The following ZNF521 variants were observed in gnomAD, a reference collection of about 807,000 sequenced individuals.
The protein encoded by ZNF521 is zinc finger protein 521.
ZNF521 carries 14 observed loss-of-function variants against 105.5 expected under a neutral mutation model. The ratio of observed to expected loss-of-function variants is 0.13; its 90% CI spans 0.09 to 0.21. ZNF521 has a LOEUF of 0.21. Among genes scored for constraint, ZNF521 ranks in the 10% least tolerant of loss-of-function variants. The pLI, the probability that ZNF521 is intolerant of heterozygous loss-of-function variation, is 1.00. For synonymous variants in ZNF521, 635 were observed against 606.0 expected (o/e 1.05, Z -0.70); for missense variants, 1,233 against 1,629.7 (o/e 0.76, Z 4.19).
chr18:25,138,992 A>G (rs993302429), intron 5 of ZNF521, among the ~76,000 whole-genome samples: 4 of 152,214 alleles, frequency 2.6e-5, no homozygotes, highest in African/African-American at 9.6e-5. Flanking sequence ...TGCAGAAGAA[A>G]GGCAAACTCT....
At chr18:25,170,340 G>A (rs1188209980) in intron 5 of ZNF521, among the ~76,000 whole-genome samples, 1 of 151,972 alleles carries the variant, frequency 6.6e-6, no homozygotes, top group Non-Finnish European at 1.5e-5. Context: ...ATTCTGATTG[G>A]TGGAAAATCA....
chr18:25,183,659 T>A (rs2035671219), intron 5 of ZNF521, among the ~76,000 whole-genome samples: 1 of 152,178 alleles, frequency 6.6e-6, no homozygotes, highest in Non-Finnish European at 1.5e-5. Context: ...ACTATCGGCA[T>A]ATTAAATAGT....
Position 25,267,307 on chromosome 18 carries a change from C to G in ZNF521, c.221-39610G>C, listed in dbSNP as rs551243977. ...GACTTATAGATAAAACCCCCATCTC[C>G]CTGGGAGAGAGCACTTGGGGGAAGG... On this transcript the variant is annotated intron_variant, in intron 3 of 7. Coordinates refer to ENST00000361524, the MANE Select transcript of ZNF521 (RefSeq NM_015461.3). Among the ~76,000 whole-genome samples, 4 of 152,320 alleles carry G rather than the reference C, an allele frequency of 2.6e-5. No homozygotes were observed. In the South Asian group the frequency reaches 8.3e-4, roughly 32 times the overall value.
At chr18:25,271,805 A>T (rs1909678822) in intron 3 of ZNF521, among the ~76,000 whole-genome samples, 4 of 152,310 alleles carry the variant, frequency 2.6e-5, no homozygotes, top group Admixed American at 2.6e-4. Context: ...AAAACCATAA[A>T]AACCATAGAA....
At chr18:25,301,008 C>T (rs1911613502) in intron 3 of ZNF521, among the ~76,000 whole-genome samples, 1 of 152,164 alleles carries the variant, frequency 6.6e-6, no homozygotes, top group Non-Finnish European at 1.5e-5. Context: ...GAAAGACTGT[C>T]TATAAACTTG....
At chr18:25,163,125 A>G (rs2035278715) in intron 5 of ZNF521, among the ~76,000 whole-genome samples, 2 of 152,214 alleles carry the variant, frequency 1.3e-5, no homozygotes, top group Admixed American at 1.3e-4. Context: ...TTTCTAATCA[A>G]TGAACCAAGG....
At chr18:25,146,225 C>G (rs768770945) in intron 5 of ZNF521, among the ~76,000 whole-genome samples, 5 of 152,242 alleles carry the variant, frequency 3.3e-5, no homozygotes, top group Non-Finnish European at 5.9e-5. Flanking sequence ...GCTTACTAAC[C>G]CTCCTAAGTG....
intron 3 of ZNF521, among the ~76,000 whole-genome samples, chr18:25,279,309 A>G (rs78169657): frequency 0.025 from 3,786 of 152,342 alleles, 92 homozygotes; most frequent in East Asian, 0.083. Flanking sequence ...GCATTTCAAC[A>G]TATGTTAGTA....
At chr18:25,198,171 T>A (rs1296356651) in intron 4 of ZNF521, among the ~76,000 whole-genome samples, 1 of 151,786 alleles carries the variant, frequency 6.6e-6, no homozygotes, top group Non-Finnish European at 1.5e-5. Context: ...GGGAGTGGGA[T>A]TGTCATTTCC....
chr18:25,158,472 A>G (rs2144513088), intron 5 of ZNF521, among the ~76,000 whole-genome samples: 1 of 152,268 alleles, frequency 6.6e-6, no homozygotes, highest in South Asian at 2.1e-4. Context: ...GATTATTCAA[A>G]GGAAATACAG....
At chr18:25,237,971 GA>G (rs1258585193) in intron 3 of ZNF521, among the ~76,000 whole-genome samples, 1 of 152,048 alleles carries the variant, frequency 6.6e-6, no homozygotes, top group African/African-American at 2.4e-5. Context: ...GCCTTTAGGG[GA>G]AAAAAAGTGC....
At chr18:25,233,165 C>A (rs1230020046) in intron 3 of ZNF521, among the ~76,000 whole-genome samples, 1 of 152,140 alleles carries the variant, frequency 6.6e-6, no homozygotes, top group Admixed American at 6.5e-5. Flanking sequence ...TATTTAAAAT[C>A]TTCTAACCAA....
intron 3 of ZNF521, among the ~76,000 whole-genome samples, chr18:25,293,370 A>ACG (rs1911148534): frequency 6.6e-6 from 1 of 151,748 alleles, no homozygotes; most frequent in Non-Finnish European, 1.5e-5. Context: ...ACACACACAC[A>ACG]CACACACACA....
At chr18:25,351,103 C>T (rs1385012161) in intron 1 of ZNF521, 156 bp from the exon 2 acceptor site, 2 of 284,092 alleles carry the variant, frequency 7.0e-6, no homozygotes, top group Non-Finnish European at 1.1e-5. Context: ...GGCTCCGGCT[C>T]GCGCTCGCGC....
intron 5 of ZNF521, among the ~76,000 whole-genome samples, chr18:25,163,904 C>G (rs1404849604): frequency 6.6e-6 from 1 of 152,090 alleles, no homozygotes; most frequent in Non-Finnish European, 1.5e-5. Flanking sequence ...GAAAAGCTGT[C>G]CTTTCACTAT....
intron 2 of ZNF521, among the ~76,000 whole-genome samples, chr18:25,324,347 C>G (rs1913091489): frequency 6.6e-6 from 1 of 151,106 alleles, no homozygotes; most frequent in Admixed American, 6.6e-5. Context: ...CTACAGGACC[C>G]ACCACATTTG....
chr18:25,180,207 AG>A (rs1391355764), intron 5 of ZNF521, among the ~76,000 whole-genome samples: 2 of 152,218 alleles, frequency 1.3e-5, no homozygotes, highest in Non-Finnish European at 2.9e-5. Flanking sequence ...TATCCTTATA[AG>A]ATAATGTATC....
At chr18:25,144,901 C>T (rs1440296867) in intron 5 of ZNF521, among the ~76,000 whole-genome samples, 2 of 152,030 alleles carry the variant, frequency 1.3e-5, no homozygotes, top group Non-Finnish European at 2.9e-5. Flanking sequence ...AGTGCTAAGC[C>T]CCCATTTATA....
At chr18:25,231,465 G>C (rs1906522567) in intron 3 of ZNF521, 1 of 152,252 alleles carries the variant, frequency 6.6e-6, no homozygotes, top group Admixed American at 6.5e-5. Context: ...ACAGAACACA[G>C]AGTACCTTTG....
Sources: gnomAD v4.1 joint callset for allele counts (sites outside exome capture counted in the v4.1 genomes callset) on GRCh38, gnomAD v4.1.1 for gene constraint, MANE v1.5 for transcripts, NCBI Gene and HGNC (gene_info 2026-07-23, HGNC 2026-07-21) for gene names.